SLC28A1: variants seen among roughly 807,000 people sequenced by gnomAD.
SLC28A1 encodes the protein solute carrier family 28 member 1.
In SLC28A1, 64 loss-of-function variants were observed where a neutral mutation model predicts 74.8. The ratio of observed to expected loss-of-function variants is 0.86; its 90% confidence interval spans 0.70 to 1.05. The LOEUF is 1.05. SLC28A1 is among the 50% of genes least tolerant of loss of function. SLC28A1 has a pLI of 0.00. For synonymous variants in SLC28A1, 359 were observed against 335.0 expected, an observed-to-expected ratio of 1.07 and a Z score of -0.78; for missense variants, 828 against 822.8, an observed-to-expected ratio of 1.01 and a Z score of -0.08.
intron 9 of SLC28A1, among the ~76,000 whole-genome samples, chr15:84,916,261 A>G (rs1969092137): frequency 1.1e-5 from 1 of 91,682 alleles, no homozygotes; most frequent in Non-Finnish European, 2.1e-5. Flanking sequence ...TTTTTTTCAA[A>G]CATGGGGTCT....
intron 1 of SLC28A1, chr15:84,886,307 G>C: frequency 1.0e-6 from 1 of 985,132 alleles, no homozygotes; most frequent in Non-Finnish European, 1.2e-6. Context: ...AAGGGAGATA[G>C]AGAAAGATGC....
intron 3 of SLC28A1, among the ~76,000 whole-genome samples, chr15:84,888,369 C>G (rs1016061308): frequency 2.6e-5 from 4 of 152,038 alleles, no homozygotes; most frequent in African/African-American, 9.7e-5. Flanking sequence ...TTGGGGTGCT[C>G]CTTTCACGCT....
intron 11 of SLC28A1, among the ~76,000 whole-genome samples, chr15:84,922,428 G>C (rs567028864): frequency 1.3e-5 from 2 of 152,240 alleles, no homozygotes; most frequent in South Asian, 4.2e-4. Flanking sequence ...AGGCGGAGCT[G>C]GAAGAGCTGC....
chr15:84,954,342 T>C, the SLC28A1 span, among the ~76,000 whole-genome samples: 1 of 152,182 alleles, frequency 6.6e-6, no homozygotes, highest in African/African-American at 2.4e-5. Context: ...TGTTTCCTGA[T>C]GAAAGCAACC....
At chr15:84,890,576 T>C in intron 5 of SLC28A1, 42 bp downstream of exon 5, 2 of 1,466,450 alleles carry the variant, frequency 1.4e-6, no homozygotes, top group Non-Finnish European at 1.9e-6. Context: ...CAATGACTCC[T>C]GCCTCAGCTA....
At chr15:84,970,710 C>G in the SLC28A1 span, among the ~76,000 whole-genome samples, 1 of 151,972 alleles carries the variant, frequency 6.6e-6, no homozygotes, top group African/African-American at 2.4e-5. Context: ...CTAAAATCAT[C>G]TTAAGGGTCG....
intron 10 of SLC28A1, among the ~76,000 whole-genome samples, chr15:84,920,463 A>AAGGGGAAGGGG (rs1969672741): frequency 1.4e-5 from 2 of 141,526 alleles, no homozygotes; most frequent in African/African-American, 5.2e-5. Flanking sequence ...AAAGGAAAGG[A>AAGGGGAAGGGG]AAGGGGAAGG....
chr15:84,916,240 C>CAGGTGTGAGCCAACATGCCTGGCCTTT (rs1555449976), intron 9 of SLC28A1, among the ~76,000 whole-genome samples: 1 of 98,424 alleles, frequency 1.0e-5, no homozygotes, highest in South Asian at 4.3e-4. Context: ...GCTGGGATTA[C>CAGGTGTGAGCCAACATGCCTGGCCTTT]TTTTTTTTTT....
At chr15:84,927,124 C>CCTGTCTT (rs1250523691) in intron 12 of SLC28A1, among the ~76,000 whole-genome samples, 2 of 136,588 alleles carry the variant, frequency 1.5e-5, no homozygotes, top group African/African-American at 2.9e-5. Context: ...CTGGTTTGCA[C>CCTGTCTT]CTGTCTTGCT....
At chr15:84,925,867 AATT>A (rs1170791557) in intron 12 of SLC28A1, among the ~76,000 whole-genome samples, 3 of 152,070 alleles carry the variant, frequency 2.0e-5, no homozygotes, top group Non-Finnish European at 4.4e-5. Flanking sequence ...TGTTCAAAGG[AATT>A]AAGACGATAA....
chr15:84,949,108 G>T (rs1024820040), downstream of SLC28A1, among the ~76,000 whole-genome samples: 2 of 152,114 alleles, frequency 1.3e-5, no homozygotes, highest in Admixed American at 1.3e-4. Context: ...GCCCATCCAG[G>T]CTTCCCTTCT....
chr15:84,897,879 A>G (rs1258536933), intron 6 of SLC28A1, among the ~76,000 whole-genome samples: 3 of 152,236 alleles, frequency 2.0e-5, no homozygotes, highest in African/African-American at 7.2e-5. Context: ...GTGGGAACAC[A>G]CAGTATTTGT....
intron 12 of SLC28A1, among the ~76,000 whole-genome samples, chr15:84,927,388 A>G (rs1970639407): frequency 6.6e-6 from 1 of 152,226 alleles, no homozygotes; most frequent in Non-Finnish European, 1.5e-5. Flanking sequence ...TCAACAAAGT[A>G]TGGATAGCCA....
chr15:84,930,232 A>T (rs530087503), intron 12 of SLC28A1, among the ~76,000 whole-genome samples: 2 of 152,298 alleles, frequency 1.3e-5, no homozygotes, highest in Admixed American at 6.5e-5. Flanking sequence ...TGGAGGGAAA[A>T]TCCCAAGATT....
intron 9 of SLC28A1, among the ~76,000 whole-genome samples, chr15:84,909,199 C>G (rs919751275): frequency 6.6e-6 from 1 of 152,050 alleles, no homozygotes; most frequent in East Asian, 1.9e-4. Context: ...AAGGCTTAGG[C>G]TCAAATGATC....
chr15:84,928,583 T>C (rs1367307510), intron 12 of SLC28A1, among the ~76,000 whole-genome samples: 327 of 24,918 alleles, frequency 0.013, 3 homozygotes, highest in Middle Eastern at 0.048. Context: ...TCTTTCTTTC[T>C]TTCTTTCTTT....
At chr15:84,926,923 A>G in intron 12 of SLC28A1, among the ~76,000 whole-genome samples, 1 of 151,968 alleles carries the variant, frequency 6.6e-6, no homozygotes, top group Admixed American at 6.6e-5. Flanking sequence ...GGGTGAACAA[A>G]CAGCCAGCCT....
intron 4 of SLC28A1, among the ~76,000 whole-genome samples, chr15:84,889,435 G>A (rs539064729): frequency 8.5e-5 from 13 of 152,248 alleles, no homozygotes; most frequent in African/African-American, 3.1e-4. Flanking sequence ...CTCTCTGCCT[G>A]GGCAGGGGAT....
At chr15:84,906,268 C>A (rs1411808235) in intron 8 of SLC28A1, among the ~76,000 whole-genome samples, 4 of 151,916 alleles carry the variant, frequency 2.6e-5, no homozygotes, top group African/African-American at 7.2e-5. Context: ...GATTCGCTTG[C>A]CTCGGCCTCC....
Sources: allele counts gnomAD v4.1 joint callset (sites outside exome capture counted in the v4.1 genomes callset), GRCh38; gene constraint gnomAD v4.1.1; transcripts MANE v1.5; gene names NCBI Gene and HGNC (gene_info 2026-07-23, HGNC 2026-07-21).